FAM135B: variants seen among roughly 807,000 people sequenced by gnomAD.
The protein encoded by FAM135B is family with sequence similarity 135 member B.
A neutral mutation model predicts 127.7 loss-of-function variants in FAM135B; 43 were observed. The observed-to-expected ratio is 0.34, with a 90% CI of 0.26 to 0.43. The LOEUF (loss-of-function observed/expected upper bound fraction) is 0.43, where lower values mean the gene tolerates loss of function less well. FAM135B is among the 20% of genes least tolerant of loss of function. FAM135B has a pLI of 1.00. For synonymous variants in FAM135B, 670 were observed against 665.1 expected (o/e 1.01, Z -0.11); for missense variants, 1,558 against 1,725.6 (o/e 0.90, Z 1.72).
intron 1 of FAM135B, among the ~76,000 whole-genome samples, chr8:138,447,939 C>T (rs569313911): frequency 1.3e-5 from 2 of 151,742 alleles, no homozygotes; most frequent in East Asian, 3.9e-4. Context: ...CGTGACCATA[C>T]TCTTTAGGTC....
intron 9 of FAM135B, 127 bp downstream of exon 9, chr8:138,195,131 T>G (rs1326004291): frequency 1.3e-6 from 1 of 776,418 alleles, no homozygotes. Context: ...TTTCTCCAGC[T>G]TGGTATCTAG....
chr8:138,226,186 C>T (rs866223282), intron 7 of FAM135B, among the ~76,000 whole-genome samples: 146 of 72,162 alleles, frequency 2.0e-3, no homozygotes, highest in African/African-American at 6.9e-3. Flanking sequence ...TGTGTGTGTG[C>T]GCGCATGTCA....
rs576664502 is a variant in FAM135B, at chr8:138,209,333, G to A, written c.670-11664C>T. On this transcript the variant is annotated intron_variant, in intron 7 of 19. Transcript: ENST00000395297. ...TAGGGCACACAGAGGCATTTAACACGTAGGGGTAGAAAAAGGCTTTCTGGA... is the reference window on the plus strand; with the variant it reads ...TAGGGCACACAGAGGCATTTAACACATAGGGGTAGAAAAAGGCTTTCTGGA... 1.4e-3 allele frequency among the ~76,000 whole-genome samples: 220 copies of A among 152,316 alleles called. 1 individual carries two copies. Among genetic ancestry groups the A allele is most frequent in the Middle Eastern group, 0.014 (4 of 294 alleles).
intron 1 of FAM135B, among the ~76,000 whole-genome samples, chr8:138,445,091 A>G (rs1042988403): frequency 6.6e-6 from 1 of 152,230 alleles, no homozygotes; most frequent in African/African-American, 2.4e-5. Flanking sequence ...CACCCTCCCA[A>G]GACTAAACCA....
chr8:138,240,714 G>C lies in FAM135B; in HGVS notation c.669+2228C>G, dbSNP rs142652594. On this transcript the variant is annotated intron_variant, in intron 7 of 19. Transcript: ENST00000395297. Reference sequence around the variant, plus strand: ...AAGTATTTCTTTTTAAGAAATCAGAGAGTACTTTCATATTAGTGGTGGCAC... The same window carrying C: ...AAGTATTTCTTTTTAAGAAATCAGACAGTACTTTCATATTAGTGGTGGCAC... 4.4e-3 allele frequency among the ~76,000 whole-genome samples: 671 copies of C among 152,260 alleles called. 2 individuals carry two copies. Among genetic ancestry groups the C allele is most frequent in the African/African-American group, 0.016 (646 of 41,532 alleles).
At position 138,448,793 on chromosome 8, in the gene FAM135B, A is replaced by C. The variant is rs916710183; in HGVS notation, c.-20+47878T>G. Among the ~76,000 whole-genome samples, 8 of 138,162 alleles carry C rather than the reference A, an allele frequency of 5.8e-5. No homozygotes were observed. The South Asian group carries it at 1.8e-3, about 31-fold the overall frequency. The allele number at this position is 138,162 out of a possible 152,430, so 90.6% of individuals were successfully genotyped here. ...CCTCTGGAAAACCTAACACAGGGGG[A>C]AAAAAAAAAAAAGCTAGGAATCAGA... is the stretch of plus-strand genomic sequence containing the variant. On this transcript the variant is annotated intron_variant, in intron 1 of 19. Coordinates refer to ENST00000395297, the MANE Select transcript of FAM135B (RefSeq NM_015912.4).
intron 3 of FAM135B, among the ~76,000 whole-genome samples, chr8:138,276,277 T>C (rs572929413): frequency 2.4e-4 from 37 of 152,192 alleles, no homozygotes; most frequent in Non-Finnish European, 4.3e-4. Context: ...GAACTAAGTA[T>C]AGTCGCAATT....
intron 9 of FAM135B, among the ~76,000 whole-genome samples, chr8:138,183,147 G>C (rs1257052622): frequency 3.9e-5 from 6 of 152,104 alleles, no homozygotes; most frequent in Non-Finnish European, 1.5e-5. Flanking sequence ...GAATAACAAT[G>C]GCAACACTGA....
At chr8:138,333,264 A>G (rs1828319065) in intron 2 of FAM135B, among the ~76,000 whole-genome samples, 2 of 152,138 alleles carry the variant, frequency 1.3e-5, no homozygotes, top group Admixed American at 6.5e-5. Context: ...TGCTCAACAC[A>G]GTGGCATCTG....
intron 7 of FAM135B, among the ~76,000 whole-genome samples, chr8:138,204,882 A>G (rs570793988): frequency 4.7e-4 from 71 of 152,330 alleles, no homozygotes; most frequent in Non-Finnish European, 9.1e-4. Flanking sequence ...ACAATTATGG[A>G]AGAATGCATA....
At chr8:138,408,530 T>A (rs1833666121) in intron 1 of FAM135B, among the ~76,000 whole-genome samples, 1 of 152,158 alleles carries the variant, frequency 6.6e-6, no homozygotes, top group African/African-American at 2.4e-5. Flanking sequence ...CTTAAGGGAA[T>A]TTTTTAGTCC....
At chr8:138,160,399 T>A (rs904624568) in intron 12 of FAM135B, among the ~76,000 whole-genome samples, 1 of 149,810 alleles carries the variant, frequency 6.7e-6, no homozygotes, top group Non-Finnish European at 1.5e-5. Flanking sequence ...TTATTTATTT[T>A]TTCTTTTGAG....
intron 10 of FAM135B, among the ~76,000 whole-genome samples, chr8:138,177,951 A>C (rs1814633792): frequency 6.6e-6 from 1 of 152,246 alleles, no homozygotes; most frequent in South Asian, 2.1e-4. Context: ...CTTACATTAA[A>C]AAGCACTTTT....
intron 1 of FAM135B, among the ~76,000 whole-genome samples, chr8:138,376,096 T>G (rs1195510011): frequency 6.6e-6 from 1 of 151,938 alleles, no homozygotes; most frequent in Non-Finnish European, 1.5e-5. Flanking sequence ...TGGGTTCAAG[T>G]GATTCCTGGC....
chr8:138,470,025 C>T (rs58893772), intron 1 of FAM135B, among the ~76,000 whole-genome samples: 4,235 of 152,140 alleles, frequency 0.028, 151 homozygotes, highest in African/African-American at 0.081. Context: ...ACATTCTCCT[C>T]GACATGGAGT....
chr8:138,153,284 T>C, intron 12 of FAM135B, 68 bp from the exon 13 acceptor site: 1 of 1,276,956 alleles, frequency 7.8e-7, no homozygotes, highest in Non-Finnish European at 1.1e-6. Flanking sequence ...TATCCAAATG[T>C]CTAACTGTAT....
chr8:138,284,075 C>T (rs189263153), intron 3 of FAM135B, among the ~76,000 whole-genome samples: 1 of 152,158 alleles, frequency 6.6e-6, no homozygotes, highest in Admixed American at 6.5e-5. Context: ...ATATAAACTG[C>T]TCTAAAAAAT....
intron 1 of FAM135B, among the ~76,000 whole-genome samples, chr8:138,393,294 T>A (rs1406662734): frequency 6.6e-6 from 1 of 152,140 alleles, no homozygotes; most frequent in Admixed American, 6.5e-5. Context: ...CAGAGTCAAG[T>A]GACTCTTTCA....
intron 7 of FAM135B, among the ~76,000 whole-genome samples, chr8:138,229,960 C>A (rs879026431): frequency 6.6e-6 from 1 of 152,150 alleles, no homozygotes; most frequent in South Asian, 2.1e-4. Flanking sequence ...GGGATTATTA[C>A]AATTCAAAGT....
Sources: gnomAD v4.1 joint callset for allele counts (sites outside exome capture counted in the v4.1 genomes callset) on GRCh38, gnomAD v4.1.1 for gene constraint, MANE v1.5 for transcripts, NCBI Gene and HGNC (gene_info 2026-07-23, HGNC 2026-07-21) for gene names.